Variants in NOSTRIN observed in about 807,000 individuals in gnomAD.
NOSTRIN encodes the protein nitric oxide synthase trafficking.
NOSTRIN carries 63 observed loss-of-function variants against 59.0 expected under a neutral mutation model. That is an observed-to-expected ratio of 1.07 (90% CI 0.87 to 1.32). The LOEUF (loss-of-function observed/expected upper bound fraction) is 1.32, where lower values mean the gene tolerates loss of function less well. Ranked by LOEUF, NOSTRIN falls within the 40% of genes most tolerant of loss-of-function variation. NOSTRIN has a pLI of 0.00. For synonymous variants in NOSTRIN, 200 were observed against 165.4 expected, an observed-to-expected ratio of 1.21 and a Z score of -1.61; for missense variants, 512 against 473.1, an observed-to-expected ratio of 1.08 and a Z score of -0.76.
At chr2:168,864,745 G>C (rs748633996) in intron 15 of NOSTRIN, 89 bp from the exon 16 acceptor site, 46 of 1,474,326 alleles carry the variant, frequency 3.1e-5, no homozygotes, top group Non-Finnish European at 4.2e-5. Context: ...GTAAATCCTT[G>C]AAGCAGAACC....
At chr2:168,791,597 C>T (rs1349228385) in intron 2 of NOSTRIN, among the ~76,000 whole-genome samples, 1 of 152,216 alleles carries the variant, frequency 6.6e-6, no homozygotes, top group Non-Finnish European at 1.5e-5. Flanking sequence ...AACTAGTTTA[C>T]AGTCCCACCA....
chr2:168,827,798 C>CTG (rs1200741987), intron 3 of NOSTRIN, among the ~76,000 whole-genome samples: 3 of 151,918 alleles, frequency 2.0e-5, no homozygotes, highest in Non-Finnish European at 4.4e-5. Context: ...AGTTTTGAAC[C>CTG]TGTGGCCTCA....
chr2:168,813,115 A>G (rs763111687), intron 2 of NOSTRIN, among the ~76,000 whole-genome samples: 34 of 152,226 alleles, frequency 2.2e-4, no homozygotes, highest in Non-Finnish European at 4.4e-4. Context: ...TTCTTCTGTA[A>G]GAAAATATTG....
intron 2 of NOSTRIN, among the ~76,000 whole-genome samples, chr2:168,815,624 TA>T (rs1686353752): frequency 6.6e-6 from 1 of 152,188 alleles, no homozygotes; most frequent in Non-Finnish European, 1.5e-5. Flanking sequence ...AACAAAGCAA[TA>T]AAAAATTGAA....
At chr2:168,839,992 T>G (rs1574307487) in intron 7 of NOSTRIN, among the ~76,000 whole-genome samples, 1 of 151,318 alleles carries the variant, frequency 6.6e-6, no homozygotes, top group African/African-American at 2.4e-5. Flanking sequence ...TGCTGTAAAT[T>G]TGCTGAGCAG....
chr2:168,861,037 C>A (rs571107825), intron 14 of NOSTRIN, 128 bp downstream of exon 14: 9 of 600,096 alleles, frequency 1.5e-5, no homozygotes, highest in South Asian at 2.4e-5. Flanking sequence ...CCATTGGGAC[C>A]GATTAATTTG....
chr2:168,856,761 G>A lies in NOSTRIN; in HGVS notation c.1036G>A (p.Ala346Thr), dbSNP rs768132604. The stretch of plus-strand genomic sequence containing the variant: ...TGATGCAAAGAGCCAGAAAGACACA[G>A]CAGCGTTAATGGATGAGGTAAATGT... ...FSDAKSQKDTAALMDENNLKL... is the reference protein window; with the variant it reads ...FSDAKSQKDTTALMDENNLKL... Residue 346 changes from alanine (A) to threonine (T), a missense_variant, in exon 12 of 16, where the codon GCA becomes ACA. By Grantham distance (58) the Ala-to-Thr change is moderately conservative. Transcript: ENST00000317647. The A allele has an allele frequency of 1.2e-6, 2 of 1,614,096 alleles. No homozygotes were observed. The highest frequency in any genetic ancestry group is 1.7e-6 in the Non-Finnish European group (2 of 1,179,934).
Position 168,865,069 on chromosome 2 carries a change from T to C in NOSTRIN, c.*99T>C. 1 of 1,306,112 alleles carries C rather than the reference T, an allele frequency of 7.7e-7. No individual in the cohort carries two copies. The highest frequency in any genetic ancestry group is 2.3e-5 in the East Asian group (1 of 42,650). The allele number at this position is 1,306,112 out of a possible 1,614,324, so 80.9% of individuals were successfully genotyped here. A position where few individuals can be genotyped will look rare whatever the true frequency, so the allele number is the denominator to read the frequency against. On this transcript the variant is annotated 3_prime_UTR_variant, in exon 16 of 16. Transcript: ENST00000317647. ...CTCTTACCTTTACATGTTTTTCTTT[T>C]GAAATGGATGGAGTTCTACCTGCAT...
chr2:168,850,789 T>C, intron 8 of NOSTRIN: 1 of 754,508 alleles, frequency 1.3e-6, no homozygotes, highest in Non-Finnish European at 2.2e-6. Context: ...TGATTGTGTC[T>C]CAAATGCTTC....
chr2:168,833,162 T>G (rs1377025390), intron 6 of NOSTRIN, among the ~76,000 whole-genome samples: 1 of 152,228 alleles, frequency 6.6e-6, no homozygotes, highest in Non-Finnish European at 1.5e-5. Context: ...TATAATAATT[T>G]TCTCCCCAGT....
intron 12 of NOSTRIN, among the ~76,000 whole-genome samples, chr2:168,857,816 T>C (rs564282090): frequency 1.1e-4 from 17 of 152,344 alleles, no homozygotes; most frequent in African/African-American, 4.1e-4. Context: ...GGTAGGTACT[T>C]GATAATTGTA....
chr2:168,801,862 G>A (rs1179378631), upstream of NOSTRIN, among the ~76,000 whole-genome samples: 1 of 152,142 alleles, frequency 6.6e-6, no homozygotes, highest in Non-Finnish European at 1.5e-5. Context: ...CCAGATCTAG[G>A]CAATTTTTTC....
In NOSTRIN at chr2:168,861,972, C is replaced by A. The variant is rs762681375; in HGVS notation, c.1307C>A (p.Ala436Asp). Reference sequence around the variant, plus strand: ...TTATCTATTTCAGCCCCTGGTGCAGCCCAGCTCAGCAGCAGACTTTGCAAG... The same window carrying A: ...TTATCTATTTCAGCCCCTGGTGCAGACCAGCTCAGCAGCAGACTTTGCAAG... ...PGSSTPAPGA[A>D]QLSSRLCKAL... The change falls in exon 15 of 16, where the codon GCC becomes GAC. Residue 436 changes from alanine (A) to aspartate (D), a missense_variant. By Grantham distance (126) the Ala-to-Asp change is moderately radical (BLOSUM62 -2). Coordinates refer to ENST00000317647, the MANE Select transcript of NOSTRIN (RefSeq NM_001039724.4). 1.2e-6 allele frequency: 2 copies of A among 1,614,152 alleles called. No individual in the cohort carries two copies. Among genetic ancestry groups the A allele is most frequent in the African/African-American group, 1.3e-5 (1 of 75,050 alleles).
chr2:168,821,292 C>T (rs536079662), intron 2 of NOSTRIN, among the ~76,000 whole-genome samples: 12 of 152,214 alleles, frequency 7.9e-5, no homozygotes, highest in Non-Finnish European at 1.2e-4. Context: ...GCTCTAACAT[C>T]GGGGCTGAGC....
At chr2:168,826,446 T>C (rs486838) in intron 3 of NOSTRIN, among the ~76,000 whole-genome samples, 41,541 of 151,714 alleles carry the variant, frequency 0.27, 6,415 homozygotes, top group African/African-American at 0.42. Context: ...TTTCTTTCTC[T>C]TCCCTCCCTT....
At chr2:168,858,304 T>C (rs1265231749) in intron 12 of NOSTRIN, among the ~76,000 whole-genome samples, 1 of 152,206 alleles carries the variant, frequency 6.6e-6, no homozygotes, top group Non-Finnish European at 1.5e-5. Context: ...AAGTGAGGAA[T>C]GCCAAATATC....
intron 12 of NOSTRIN, chr2:168,859,263 T>C: frequency 2.6e-6 from 1 of 381,476 alleles, no homozygotes; most frequent in East Asian, 4.7e-5. Flanking sequence ...TACTAATATA[T>C]TACCAAGGTT....
Position 168,845,790 on chromosome 2 carries a change from C to CTTCTTTTTTTTTTTTTTTTTTTTTTT in NOSTRIN, c.630+2675_630+2676insCTTTTTTTTTTTTTTTTTTTTTTTTT, listed in dbSNP as rs36186706. ...AGACCTAGTTTTAGTTTTTTTCTTC[C>CTTCTTTTTTTTTTTTTTTTTTTTTTT]TTTTTTTTTTTTTTTTTGTTAGAAT... On this transcript the variant is annotated intron_variant, in intron 8 of 15. Coordinates refer to ENST00000317647, the MANE Select transcript of NOSTRIN (RefSeq NM_001039724.4). 1.4e-5 allele frequency among the ~76,000 whole-genome samples: 2 copies of CTTCTTTTTTTTTTTTTTTTTTTTTTT among 140,630 alleles called. 1 individual carries two copies. The highest frequency in any genetic ancestry group is 5.4e-5 in the African/African-American group (2 of 37,380). 92.3% of individuals were successfully genotyped at this position (140,630 alleles called of 152,430 possible).
chr2:168,853,891 G>A lies in NOSTRIN; in HGVS notation c.856-1461G>A, dbSNP rs139765492. On this transcript the variant is annotated intron_variant, in intron 10 of 15. Coordinates refer to ENST00000317647, the MANE Select transcript of NOSTRIN (RefSeq NM_001039724.4). Reference sequence around the variant, plus strand: ...AAAGAAATATTTATTTATTTGAGACGGAGTCTCGCTCTGTGGCCCAGGCTG... The same window carrying A: ...AAAGAAATATTTATTTATTTGAGACAGAGTCTCGCTCTGTGGCCCAGGCTG... 2.1e-4 allele frequency among the ~76,000 whole-genome samples: 32 copies of A among 151,434 alleles called. No homozygotes were observed. The East Asian group carries it at 5.2e-3, about 25-fold the overall frequency.
Sources: gnomAD v4.1 joint callset for allele counts (sites outside exome capture counted in the v4.1 genomes callset) on GRCh38, gnomAD v4.1.1 for gene constraint, MANE v1.5 for transcripts, NCBI Gene and HGNC (gene_info 2026-07-23, HGNC 2026-07-21) for gene names.